COL14A1: variants seen among roughly 807,000 people sequenced by gnomAD.
COL14A1 encodes collagen alpha-1(XIV) chain.
Under a neutral mutation model 230.3 loss-of-function variants are expected in COL14A1, and 136 were observed. The observed-to-expected ratio is 0.59, with a 90% confidence interval of 0.51 to 0.68. The LOEUF is 0.68. Ranked by LOEUF, COL14A1 falls within the 30% of genes least tolerant of loss-of-function variation. The pLI is 0.00. For synonymous variants in COL14A1, 792 were observed against 784.1 expected (o/e 1.01, Z -0.17); for missense variants, 1,976 against 2,215.8 (o/e 0.89, Z 2.17).
intron 33 of COL14A1, among the ~76,000 whole-genome samples, chr8:120,288,172 A>G (rs6993434): frequency 0.99 from 150,584 of 152,244 alleles, 74,477 homozygotes; most frequent in Middle Eastern, 1. Context: ...TCAAAAACAC[A>G]TAAGAGTTGA....
At chr8:120,181,152 G>T (rs558937728) in intron 5 of COL14A1, among the ~76,000 whole-genome samples, 2 of 152,210 alleles carry the variant, frequency 1.3e-5, no homozygotes, top group Admixed American at 1.3e-4. Flanking sequence ...TGCAAGGATG[G>T]CATTAGCCCT....
At chr8:120,320,148 C>A (rs975183151) in intron 40 of COL14A1, among the ~76,000 whole-genome samples, 3 of 152,136 alleles carry the variant, frequency 2.0e-5, no homozygotes, top group Non-Finnish European at 4.4e-5. Flanking sequence ...CCTCACTTTC[C>A]TCAGCGGTAA....
chr8:120,369,615 C>T (rs2130401579), intron 47 of COL14A1, 130 bp downstream of exon 47: 4 of 873,672 alleles, frequency 4.6e-6, no homozygotes, highest in South Asian at 5.6e-5. Context: ...TTGAATGCCT[C>T]ACTTCCTTAA....
intron 45 of COL14A1, among the ~76,000 whole-genome samples, chr8:120,354,522 G>A (rs1322503601): frequency 6.6e-6 from 1 of 151,884 alleles, no homozygotes; most frequent in Non-Finnish European, 1.5e-5. Flanking sequence ...TTCCTTTCAT[G>A]TTCGCAATGT....
Position 120,255,300 on chromosome 8 carries a change from A to G in COL14A1, c.2813A>G (p.His938Arg). 2 of 1,614,188 alleles carry G rather than the reference A, an allele frequency of 1.2e-6. No homozygotes were observed. The highest frequency in any genetic ancestry group is 2.2e-5 in the South Asian group (2 of 91,084). The part of the protein sequence containing the change: ...KHVEMTSLCA[H>R]WQVHRHATAY... ...GTTGAAATGACCAGCTTGTGTGCCC[A>G]CTGGCAGGTACATCGCCATGCCACA... Residue 938 changes from histidine (H) to arginine (R), a missense_variant, in exon 23 of 48, where the codon CAC (histidine) becomes CGC (arginine). By Grantham distance (29) the His-to-Arg change is conservative. This residue lies in a region of COL14A1 where 1,791 missense variants were observed against 2,019.5 expected (regional missense o/e 0.89). Coordinates refer to ENST00000297848, the MANE Select transcript of COL14A1 (RefSeq NM_021110.4).
intron 31 of COL14A1, 88 bp downstream of exon 31, chr8:120,281,147 A>T (rs1411686663): frequency 1.6e-6 from 2 of 1,269,186 alleles, no homozygotes; most frequent in East Asian, 4.7e-5. Context: ...ATGGTGTAAT[A>T]GTCCCAGGTA....
intron 5 of COL14A1, among the ~76,000 whole-genome samples, chr8:120,175,104 T>G (rs1816236337): frequency 6.6e-6 from 1 of 152,228 alleles, no homozygotes; most frequent in South Asian, 2.1e-4. Context: ...AATTTTAGTT[T>G]AAACGCAGAG....
At chr8:120,204,086 T>C (rs1236993822) in intron 9 of COL14A1, among the ~76,000 whole-genome samples, 1 of 152,198 alleles carries the variant, frequency 6.6e-6, no homozygotes, top group African/African-American at 2.4e-5. Context: ...TTCTCCATAA[T>C]GTTACATTTA....
In COL14A1 at chr8:120,216,338, AT is replaced by A. The variant is rs781734642; in HGVS notation, c.1598-10del. ...TGACATTTTAATTATTTTCTATTCC[AT>A]TTACTGCCAAGTGGCTTTAAGTCCA... On this transcript the variant is annotated splice_polypyrimidine_tract_variant and intron_variant, in intron 13 of 47. Coordinates refer to ENST00000297848, the MANE Select transcript of COL14A1 (RefSeq NM_021110.4). 1.3e-6 allele frequency: 2 copies of A among 1,593,558 alleles called. No individual in the cohort carries two copies. The highest frequency in any genetic ancestry group is 1.7e-6 in the Non-Finnish European group (2 of 1,174,240).
At chr8:120,177,505 C>T (rs910775362) in intron 5 of COL14A1, among the ~76,000 whole-genome samples, 12 of 151,666 alleles carry the variant, frequency 7.9e-5, no homozygotes, top group South Asian at 2.1e-4. Context: ...AAAAATTAGC[C>T]GGGAGTGGTG....
intron 24 of COL14A1, 76 bp downstream of exon 24, chr8:120,263,090 C>A: frequency 6.9e-7 from 1 of 1,440,508 alleles, no homozygotes; most frequent in East Asian, 2.5e-5. Flanking sequence ...TTCCTTATCC[C>A]ATTTAGAAAA....
chr8:120,200,435 T>C (rs1440274319), intron 8 of COL14A1, among the ~76,000 whole-genome samples: 1 of 151,980 alleles, frequency 6.6e-6, no homozygotes, highest in African/African-American at 2.4e-5. Context: ...GAGCTGTTTC[T>C]TCTATCAAAA....
chr8:120,342,751 G>T (rs1822351853), intron 44 of COL14A1, among the ~76,000 whole-genome samples: 1 of 152,274 alleles, frequency 6.6e-6, no homozygotes, highest in Non-Finnish European at 1.5e-5. Flanking sequence ...CATCTTTCCA[G>T]GTGGGTAGGA....
At chr8:120,153,961 A>C (rs7000103) in intron 2 of COL14A1, among the ~76,000 whole-genome samples, 125,679 of 151,952 alleles carry the variant, frequency 0.83, 52,467 homozygotes, top group African/African-American at 0.95. Context: ...ATTTTCCCAG[A>C]CTTTAGCCGG....
At chr8:120,365,801 A>G (rs964334219) in intron 45 of COL14A1, among the ~76,000 whole-genome samples, 1 of 152,212 alleles carries the variant, frequency 6.6e-6, no homozygotes, top group African/African-American at 2.4e-5. Context: ...GGTCTTTTGT[A>G]AGCTCAGATA....
At chr8:120,126,541 T>C (rs1814345637) in intron 1 of COL14A1, among the ~76,000 whole-genome samples, 1 of 152,056 alleles carries the variant, frequency 6.6e-6, no homozygotes, top group Non-Finnish European at 1.5e-5. Context: ...TGGGAGTAAG[T>C]CTTTGGTGGC....
rs1818261506 is a variant in COL14A1 at position 120,231,378 on chromosome 8, C to T, written c.2198-89C>T. The T allele has an allele frequency of 2.9e-6, 4 of 1,376,950 alleles. No individual in the cohort carries two copies. In the East Asian group the frequency reaches 7.0e-5, roughly 24 times the overall value. 85.3% of individuals were successfully genotyped at this position (1,376,950 alleles called of 1,614,324 possible). A position where few individuals can be genotyped will look rare whatever the true frequency, so the allele number is the denominator to read the frequency against. On this transcript the variant is annotated intron_variant, in intron 18 of 47. Transcript: ENST00000297848. ...TATTACAGGGATACATTAAATGATG[C>T]TTGCTGTCACCCCACAGGTATTCTC...
In COL14A1 at chr8:120,283,777, C is replaced by T. The variant is rs1563716484; in HGVS notation, c.3966C>T (p.Asp1322=). The T allele has an allele frequency of 1.9e-6, 3 of 1,607,580 alleles. No individual in the cohort carries two copies. The highest frequency in any genetic ancestry group is 2.2e-5 in the South Asian group (2 of 89,582). ...ACCCATTGGTTGGGGTTATTTTAGA[C>T]AGTAAGTATATTTATTGAGATCACA... The part of the protein sequence containing the change: ...NSDPLVGVIL[D]NGGKTLTYFN... The change falls in exon 32 of 48, where the codon GAC becomes GAT. Residue 1322 remains aspartate (D), a splice_region_variant and synonymous_variant. Coordinates refer to ENST00000297848, the MANE Select transcript of COL14A1 (RefSeq NM_021110.4).
At chr8:120,185,390 C>T (rs936986465) in intron 5 of COL14A1, among the ~76,000 whole-genome samples, 33 of 152,176 alleles carry the variant, frequency 2.2e-4, no homozygotes, top group Non-Finnish European at 4.3e-4. Context: ...GGAGGTGGCT[C>T]ACACCTGTAA....
Sources: gnomAD v4.1 joint callset for allele counts (sites outside exome capture counted in the v4.1 genomes callset) on GRCh38, gnomAD v4.1.1 for gene constraint, gnomAD v4.1.1 regional missense constraint, MANE v1.5 for transcripts, NCBI Gene and HGNC (gene_info 2026-07-23, HGNC 2026-07-21) for gene names.